NOS1: variants seen among roughly 807,000 people sequenced by gnomAD.
The protein encoded by NOS1 is nitric oxide synthase 1.
NOS1 carries 51 observed loss-of-function variants against 164.5 expected under a neutral mutation model. The ratio of observed to expected loss-of-function variants is 0.31; its 90% confidence interval spans 0.25 to 0.39. The LOEUF is 0.39. NOS1 is among the 10% of genes least tolerant of loss of function. The pLI, the probability that NOS1 is intolerant of heterozygous loss-of-function variation, is 1.00. For missense variants in NOS1, 1,362 were observed against 1,885.6 expected, an observed-to-expected ratio of 0.72 and a Z score of 5.14; for synonymous variants, 719 against 745.8, an observed-to-expected ratio of 0.96 and a Z score of 0.59.
intron 2 of NOS1, among the ~76,000 whole-genome samples, chr12:117,328,657 C>T (rs1048374891): frequency 1.3e-5 from 2 of 152,120 alleles, no homozygotes; most frequent in Admixed American, 1.3e-4. Context: ...CTCTGCCTCC[C>T]GGGTCCAAGT....
intron 20 of NOS1, among the ~76,000 whole-genome samples, chr12:117,237,398 T>G (rs1418251669): frequency 6.6e-6 from 1 of 152,048 alleles, no homozygotes; most frequent in Non-Finnish European, 1.5e-5. Flanking sequence ...CCCAAAGTGC[T>G]AGGATTACAG....
At chr12:117,332,889 T>C (rs994412830) in intron 1 of NOS1, among the ~76,000 whole-genome samples, 4 of 152,052 alleles carry the variant, frequency 2.6e-5, no homozygotes, top group African/African-American at 4.8e-5. Context: ...AAAATCAAAT[T>C]TATATTCTAG....
intron 1 of NOS1, among the ~76,000 whole-genome samples, chr12:117,350,027 C>A (rs546388623): frequency 6.6e-6 from 1 of 152,156 alleles, no homozygotes; most frequent in Admixed American, 6.5e-5. Context: ...GCCTGGCCGG[C>A]TGGTGTTATT....
At position 117,256,626 on chromosome 12, in the gene NOS1, G is replaced by C. The variant is rs570615567; in HGVS notation, c.2531+1771C>G. ...ACAGCCAAAAAACACCAGCCAGCTAGAGCATTTGATGTTCACCTTAAGACA... is the reference window on the plus strand; with the variant it reads ...ACAGCCAAAAAACACCAGCCAGCTACAGCATTTGATGTTCACCTTAAGACA... On this transcript the variant is annotated intron_variant, in intron 16 of 28. Transcript: ENST00000317775. Among the ~76,000 whole-genome samples, 63 of 152,190 alleles carry C rather than the reference G, an allele frequency of 4.1e-4. 1 individual carries two copies. Among genetic ancestry groups the C allele is most frequent in the Middle Eastern group, 3.4e-3 (1 of 294 alleles).
intron 26 of NOS1, among the ~76,000 whole-genome samples, chr12:117,222,304 G>A (rs1201549676): frequency 6.6e-6 from 1 of 152,138 alleles, no homozygotes; most frequent in African/African-American, 2.4e-5. Context: ...CACCCAGGCT[G>A]GAGGGCAGTG....
intron 24 of NOS1, among the ~76,000 whole-genome samples, chr12:117,226,285 T>A (rs1174355506): frequency 1.3e-5 from 2 of 152,118 alleles, no homozygotes; most frequent in African/African-American, 2.4e-5. Flanking sequence ...AAAGCTCCAA[T>A]GAATGGGGGT....
rs562477682 is a variant in NOS1, at chr12:117,309,500, C to G, written c.852+1966G>C. 3 of 512,078 alleles carry G rather than the reference C, an allele frequency of 5.9e-6. No homozygotes were observed. The South Asian group carries it at 2.5e-4, about 43-fold the overall frequency. The allele number at this position is 512,078 out of a possible 1,614,324, so 31.7% of individuals were successfully genotyped here. ...TAGGCCAAGCATCAGGAAAATGAAG[C>G]CGGTCATCACTTGCTGAGTCACCTA... On this transcript the variant is annotated intron_variant, in intron 3 of 28. Transcript: ENST00000317775.
chr12:117,271,875 T>C (rs527534945), intron 10 of NOS1, among the ~76,000 whole-genome samples: 1 of 151,938 alleles, frequency 6.6e-6, no homozygotes, highest in South Asian at 2.1e-4. Flanking sequence ...ATGCTTAGAG[T>C]GGGGAACCAC....
chr12:117,286,023 T>A (rs1376158394), intron 6 of NOS1, 81 bp downstream of exon 6: 18 of 1,509,620 alleles, frequency 1.2e-5, no homozygotes, highest in Non-Finnish European at 1.5e-5. Context: ...TAGAAGCTTA[T>A]CCTTTTTAAA....
rs375672027 is a variant in NOS1 at position 117,330,581 on chromosome 12, G to A, written c.489C>T (p.Tyr163=). The A allele has an allele frequency of 4.3e-5, 70 of 1,612,862 alleles. No homozygotes were observed. The highest frequency in any genetic ancestry group is 3.3e-4 in the Middle Eastern group (2 of 6,076). The change falls in exon 2 of 29, where the codon TAC becomes TAT. Residue 163 remains tyrosine, a synonymous_variant. Transcript: ENST00000317775. The surrounding 1 kb of genome is among the most constrained non-coding windows in gnomAD (Gnocchi z 4.6). ...SGPGNGPQHA[Y]DDGQEAGSLP... The stretch of plus-strand genomic sequence containing the variant: ...GTGAGCCAGCCTCCTGCCCATCATC[G>A]TAGGCATGCTGAGGCCCATTCCCGG...
intron 2 of NOS1, among the ~76,000 whole-genome samples, chr12:117,328,912 G>A (rs1331641546): frequency 2.0e-5 from 3 of 152,202 alleles, no homozygotes; most frequent in Non-Finnish European, 2.9e-5. Flanking sequence ...TAGGCTATAC[G>A]GTGTAGCCTA....
chr12:117,267,918 C>T (rs945062582), intron 11 of NOS1, 125 bp downstream of exon 11: 1 of 659,112 alleles, frequency 1.5e-6, no homozygotes, highest in Non-Finnish European at 2.7e-6. Flanking sequence ...AGACCATACT[C>T]ATGGACACAA....
intron 9 of NOS1, among the ~76,000 whole-genome samples, chr12:117,275,419 T>G (rs1873100821): frequency 6.6e-6 from 1 of 152,110 alleles, no homozygotes. Flanking sequence ...ACACTGAATA[T>G]TCTCACTCAT....
intron 1 of NOS1, among the ~76,000 whole-genome samples, chr12:117,361,006 C>T (rs1299665771): frequency 1.3e-5 from 2 of 152,164 alleles, no homozygotes; most frequent in Non-Finnish European, 2.9e-5. Context: ...AATGAGGCCG[C>T]CCGAACCAAG....
chr12:117,270,113 A>T lies in NOS1; in HGVS notation c.1840-1969T>A, dbSNP rs559835328. Among the ~76,000 whole-genome samples, 3 of 152,372 alleles carry T rather than the reference A, an allele frequency of 2.0e-5. No homozygotes were observed. In the South Asian group the frequency reaches 6.2e-4, roughly 32 times the overall value. On this transcript the variant is annotated intron_variant, in intron 10 of 28. Transcript: ENST00000317775. ...AACTCATGACATGCATGTTACAGCCAAGGCAGAAGCAGGAGCTGGTGTCAG... is the reference window on the plus strand; with the variant it reads ...AACTCATGACATGCATGTTACAGCCTAGGCAGAAGCAGGAGCTGGTGTCAG...
chr12:117,212,965 T>C lies in NOS1; in HGVS notation c.*2344A>G, dbSNP rs1354498685. 1.0e-6 allele frequency: 1 copy of C among 985,142 alleles called. No homozygotes were observed. The highest frequency in any genetic ancestry group is 1.8e-5 in the African/African-American group (1 of 57,088). 61.0% of individuals were successfully genotyped at this position (985,142 alleles called of 1,614,324 possible). A position where few individuals can be genotyped will look rare whatever the true frequency, so the allele number is the denominator to read the frequency against. The stretch of plus-strand genomic sequence containing the variant: ...GTGTTGGGGATTGAAAGGTGTTTAC[T>C]TAAAAAAAAATCTTTCTGGAGAAGA... On this transcript the variant is annotated 3_prime_UTR_variant, in exon 29 of 29. Transcript: ENST00000317775.
chr12:117,260,941 G>A (rs9658422), intron 13 of NOS1, among the ~76,000 whole-genome samples: 2,394 of 152,058 alleles, frequency 0.016, 57 homozygotes, highest in African/African-American at 0.054. Context: ...GCCGAGGCAG[G>A]TGGATTGCCT....
At chr12:117,289,729 G>T (rs1399494028) in intron 4 of NOS1, among the ~76,000 whole-genome samples, 1 of 152,198 alleles carries the variant, frequency 6.6e-6, no homozygotes, top group Non-Finnish European at 1.5e-5. Context: ...CACAAGCTTG[G>T]AATGTTTCTG....
chr12:117,268,875 G>A (rs1051883461), intron 10 of NOS1, among the ~76,000 whole-genome samples: 5 of 152,064 alleles, frequency 3.3e-5, no homozygotes, highest in African/African-American at 1.2e-4. Flanking sequence ...GGGATTACAG[G>A]CGTGAGCCAC....
Sources: gnomAD v4.1 joint callset for allele counts (sites outside exome capture counted in the v4.1 genomes callset) on GRCh38, gnomAD v4.1.1 for gene constraint, Gnocchi (gnomAD v3.1) non-coding constraint, MANE v1.5 for transcripts, NCBI Gene and HGNC (gene_info 2026-07-23, HGNC 2026-07-21) for gene names.